TK2: variants seen among roughly 807,000 people sequenced by gnomAD.
TK2 encodes thymidine kinase 2, mitochondrial.
TK2 carries 35 observed loss-of-function variants against 41.9 expected under a neutral mutation model. The ratio of observed to expected loss-of-function variants is 0.84; its 90% confidence interval spans 0.64 to 1.11. The LOEUF (loss-of-function observed/expected upper bound fraction) is 1.11. Among genes scored for constraint, TK2 ranks in the 50% least tolerant of loss-of-function variants. TK2 has a pLI of 0.00. For missense variants in TK2, 320 were observed against 351.1 expected, an observed-to-expected ratio of 0.91 and a Z score of 0.71; for synonymous variants, 128 against 129.1, an observed-to-expected ratio of 0.99 and a Z score of 0.06.
rs1437846690 is a variant in TK2 at position 66,513,802 on chromosome 16, C to T, written c.628G>A (p.Glu210Lys). The T allele has an allele frequency of 4.3e-6, 7 of 1,613,972 alleles. No homozygotes were observed. The highest frequency in any genetic ancestry group is 5.9e-6 in the Non-Finnish European group (7 of 1,180,014). The change falls in exon 9 of 10, where the codon GAA becomes AAA. Residue 210 changes from glutamate (E) to lysine (K), a missense_variant. Glu to Lys is a moderately conservative substitution (Grantham distance 56). Coordinates refer to ENST00000544898, the MANE Select transcript of TK2 (RefSeq NM_004614.5). ...EEKVIPLEYL[E>K]AIHHLHEEWL... ...TCCTCATGGAGATGGTGAATTGCTTCCAGGTATTCCTGCCAGGGAAACACA... is the reference window on the plus strand; with the variant it reads ...TCCTCATGGAGATGGTGAATTGCTTTCAGGTATTCCTGCCAGGGAAACACA...
At chr16:66,530,281 G>T (rs796669287) in intron 5 of TK2, among the ~76,000 whole-genome samples, 8 of 152,350 alleles carry the variant, frequency 5.3e-5, no homozygotes, top group African/African-American at 1.7e-4. Context: ...GTGTTAACTG[G>T]CTGTAGGGAC....
At chr16:66,547,961 A>C in intron 2 of TK2, 1 of 1,288,806 alleles carries the variant, frequency 7.8e-7, no homozygotes, top group South Asian at 1.2e-5. Context: ...AGCCAGGCAC[A>C]GTGGCTCACA....
Position 66,531,507 on chromosome 16 carries a change from G to C in TK2, c.286-38C>G, listed in dbSNP as rs763790647. ...AAACACAGCACTTTCCATCAAAGTGGCATCTGCAGGAGGACCCTGGTCTCA... is the reference window on the plus strand; with the variant it reads ...AAACACAGCACTTTCCATCAAAGTGCCATCTGCAGGAGGACCCTGGTCTCA... On this transcript the variant is annotated intron_variant, in intron 4 of 9. Transcript: ENST00000544898. The C allele has an allele frequency of 7.5e-6, 12 of 1,594,188 alleles. No homozygotes were observed. In the African/African-American group the frequency reaches 1.5e-4, roughly 20 times the overall value.
At position 66,550,082 on chromosome 16, in the gene TK2, A is replaced by G; in HGVS notation, c.-21T>C. 9 of 1,600,242 alleles carry G rather than the reference A, an allele frequency of 5.6e-6. No individual in the cohort carries two copies. The highest frequency in any genetic ancestry group is 7.7e-6 in the Non-Finnish European group (9 of 1,174,780). Reference sequence around the variant, plus strand: ...AGCATAGCCGGGCGAGCGGATCCAGAGGCCCGGGGTTCCTTCTTGTGCGAG... The same window carrying G: ...AGCATAGCCGGGCGAGCGGATCCAGGGGCCCGGGGTTCCTTCTTGTGCGAG... On this transcript the variant is annotated 5_prime_UTR_variant, in exon 1 of 10. Coordinates refer to ENST00000544898, the MANE Select transcript of TK2 (RefSeq NM_004614.5).
At chr16:66,512,871 G>T (rs567465050) in intron 9 of TK2, among the ~76,000 whole-genome samples, 3 of 152,168 alleles carry the variant, frequency 2.0e-5, no homozygotes, top group Non-Finnish European at 2.9e-5. Context: ...AAGTGTTTGA[G>T]CCCAAACAGA....
intron 4 of TK2, among the ~76,000 whole-genome samples, chr16:66,534,703 A>G (rs542563362): frequency 1.3e-5 from 2 of 152,322 alleles, no homozygotes; most frequent in East Asian, 1.9e-4. Context: ...TCATAGACAC[A>G]TTCCCTGGTT....
At chr16:66,518,168 T>C (rs541111140) in intron 6 of TK2, 4 of 433,128 alleles carry the variant, frequency 9.2e-6, no homozygotes, top group African/African-American at 2.0e-5. Flanking sequence ...TTAAAGCTTG[T>C]ACCCTGAGAA....
In TK2 at chr16:66,517,290, C is replaced by T. The variant is rs1034824860; in HGVS notation, c.539-75G>A. ...AGCAAAGCAGGCACACAGGCAAAGG[C>T]GGGAGGAAGGTCTGCACAGCTCGAG... On this transcript the variant is annotated intron_variant, in intron 7 of 9. Transcript: ENST00000544898. This position sits in a 1 kb window ranked among gnomAD's most constrained non-coding sequence, Gnocchi z 4.3. 6 of 1,313,006 alleles carry T rather than the reference C, an allele frequency of 4.6e-6. No individual in the cohort carries two copies. In the East Asian group the frequency reaches 6.9e-5, roughly 15 times the overall value. The allele number at this position is 1,313,006 out of a possible 1,614,324, so 81.3% of individuals were successfully genotyped here. A position where few individuals can be genotyped will look rare whatever the true frequency, so the allele number is the denominator to read the frequency against.
intron 2 of TK2, among the ~76,000 whole-genome samples, chr16:66,546,181 G>C (rs1305519188): frequency 2.0e-5 from 3 of 152,118 alleles, no homozygotes; most frequent in Admixed American, 2.0e-4. Context: ...AGTAAGTTGT[G>C]ATTGTGCCAC....
chr16:66,529,567 G>C (rs987557065), intron 5 of TK2, among the ~76,000 whole-genome samples: 1 of 152,230 alleles, frequency 6.6e-6, no homozygotes, highest in African/African-American at 2.4e-5. Flanking sequence ...TGGTAAGAAC[G>C]ATGCCCAAGA....
intron 2 of TK2, among the ~76,000 whole-genome samples, chr16:66,542,693 A>G (rs553724877): frequency 1.3e-4 from 20 of 152,272 alleles, no homozygotes; most frequent in African/African-American, 4.1e-4. Context: ...GTCTACCTAT[A>G]CCAAAGACCA....
chr16:66,511,778 C>T lies in TK2; in HGVS notation c.*190G>A, dbSNP rs146535859. On this transcript the variant is annotated 3_prime_UTR_variant, in exon 10 of 10. Coordinates refer to ENST00000544898, the MANE Select transcript of TK2 (RefSeq NM_004614.5). ...AAAGGGCTTGGCAAACCCATTGGTC[C>T]CGTTTGTCATTTACCCACGAGGGCC... 6.2e-6 allele frequency: 4 copies of T among 647,182 alleles called. No individual in the cohort carries two copies. The East Asian group carries it at 1.1e-4, about 18-fold the overall frequency. The allele number at this position is 647,182 out of a possible 1,614,324, so 40.1% of individuals were successfully genotyped here.
rs1391905757 is a variant in TK2, at chr16:66,541,862, T to C, written c.231+17A>G. Reference sequence around the variant, plus strand: ...AAGCTTTCTCCGCTTCCTTCAAACCTAGCATAGAGGCTGTACCTCGACGTC... The same window carrying C: ...AAGCTTTCTCCGCTTCCTTCAAACCCAGCATAGAGGCTGTACCTCGACGTC... On this transcript the variant is annotated intron_variant, in intron 3 of 9. Coordinates refer to ENST00000544898, the MANE Select transcript of TK2 (RefSeq NM_004614.5). 1 of 1,613,936 alleles carries C rather than the reference T, an allele frequency of 6.2e-7. No homozygotes were observed.
In TK2 at chr16:66,512,063, T is replaced by A; in HGVS notation, c.703A>T (p.Ile235Phe). 1 of 1,614,096 alleles carries A rather than the reference T, an allele frequency of 6.2e-7. No individual in the cohort carries two copies. The highest frequency in any genetic ancestry group is 1.7e-4 in the Middle Eastern group (1 of 6,060). Residue 235 changes from isoleucine to phenylalanine, a missense_variant, in exon 10 of 10, where the codon ATT (isoleucine) becomes TTT (phenylalanine). Transcript: ENST00000544898. ...LFPMAAPVLV[I>F]EADHHMERML... ...CTCTCCATGTGGTGGTCAGCCTCAA[T>A]CACCTGGAAATTAGACACATGGGTC...
chr16:66,518,691 A>C (rs940723959), intron 6 of TK2, among the ~76,000 whole-genome samples: 4 of 152,242 alleles, frequency 2.6e-5, no homozygotes, highest in African/African-American at 9.6e-5. Flanking sequence ...GCATGGAAAA[A>C]TTTCAAATCT....
At chr16:66,536,840 G>T (rs957555509) in intron 4 of TK2, 124 bp downstream of exon 4, 1 of 1,173,380 alleles carries the variant, frequency 8.5e-7, no homozygotes, top group Non-Finnish European at 1.3e-6. Context: ...GTCCCTCCCT[G>T]GTCTTCTCCA....
intron 2 of TK2, among the ~76,000 whole-genome samples, chr16:66,542,533 T>C (rs569558220): frequency 6.6e-6 from 1 of 152,258 alleles, no homozygotes; most frequent in South Asian, 2.1e-4. Flanking sequence ...GAAGGGTAAG[T>C]CCTAACATTT....
Position 66,509,427 on chromosome 16 carries a change from A to G in TK2, c.*2541T>C, listed in dbSNP as rs1017125439. 1 of 152,244 alleles carries G rather than the reference A, an allele frequency of 6.6e-6. No homozygotes were observed. The highest frequency in any genetic ancestry group is 1.5e-5 in the Non-Finnish European group (1 of 68,044). The allele number at this position is 152,244 out of a possible 1,614,324, so 9.4% of individuals were successfully genotyped here. A position where few individuals can be genotyped will look rare whatever the true frequency, so the allele number is the denominator to read the frequency against. ...TATTTCTATCTAGTTTCCAAAAAAA[A>G]CCAGGTACATAAGGTATTTTTAAAT... is the stretch of plus-strand genomic sequence containing the variant. On this transcript the variant is annotated 3_prime_UTR_variant, in exon 10 of 10. Coordinates refer to ENST00000544898, the MANE Select transcript of TK2 (RefSeq NM_004614.5).
chr16:66,516,934 G>A (rs550449028), intron 8 of TK2, among the ~76,000 whole-genome samples: 1 of 152,190 alleles, frequency 6.6e-6, no homozygotes, highest in East Asian at 1.9e-4. Context: ...AGCGACCACA[G>A]GAAGCCAAGC....
Sources: gnomAD v4.1 joint callset for allele counts (sites outside exome capture counted in the v4.1 genomes callset) on GRCh38, gnomAD v4.1.1 for gene constraint, Gnocchi (gnomAD v3.1) non-coding constraint, MANE v1.5 for transcripts, NCBI Gene and HGNC (gene_info 2026-07-23, HGNC 2026-07-21) for gene names.